MTDH: variants seen among roughly 807,000 people sequenced by gnomAD.
MTDH encodes protein LYRIC.
Under a neutral mutation model 72.7 loss-of-function variants are expected in MTDH, and 34 were observed. The observed-to-expected ratio is 0.47, with a 90% CI of 0.36 to 0.62. The LOEUF is 0.62. Among genes scored for constraint, MTDH ranks in the 20% least tolerant of loss-of-function variants. The pLI, the probability that MTDH is intolerant of heterozygous loss-of-function variation, is 0.00. For synonymous variants in MTDH, 266 were observed against 268.9 expected (o/e 0.99, Z 0.10); for missense variants, 677 against 699.4 (o/e 0.97, Z 0.36).
chr8:97,686,962 AT>A (rs34735761), intron 3 of MTDH, among the ~76,000 whole-genome samples: 30,787 of 152,018 alleles, frequency 0.2, 4,809 homozygotes, highest in African/African-American at 0.41. Context: ...CTGCCCTGAA[AT>A]TTAAAGTCAA....
chr8:97,702,632 A>G (rs1586265914), intron 7 of MTDH, among the ~76,000 whole-genome samples: 2 of 152,364 alleles, frequency 1.3e-5, no homozygotes, highest in East Asian at 3.9e-4. Context: ...TTAAAAAGTT[A>G]TTAAAGTTTA....
chr8:97,656,981 C>CAA (rs113063188), intron 1 of MTDH, among the ~76,000 whole-genome samples: 5 of 130,796 alleles, frequency 3.8e-5, no homozygotes, highest in African/African-American at 5.5e-5. Context: ...GACTGTGTCT[C>CAA]AAAAAAAAAA....
At chr8:97,669,127 A>G (rs868028162) in intron 2 of MTDH, among the ~76,000 whole-genome samples, 16 of 152,294 alleles carry the variant, frequency 1.1e-4, no homozygotes, top group African/African-American at 3.6e-4. Context: ...AAATGTTTTC[A>G]CAGAGTTTTA....
At chr8:97,667,471 G>A (rs1438332889) in intron 2 of MTDH, among the ~76,000 whole-genome samples, 1 of 152,188 alleles carries the variant, frequency 6.6e-6, no homozygotes, top group Non-Finnish European at 1.5e-5. Context: ...ACTGATGATT[G>A]TCTTGAGGAA....
intron 10 of MTDH, among the ~76,000 whole-genome samples, chr8:97,719,492 C>CAAA (rs11383714): frequency 0.01 from 833 of 79,780 alleles, 18 homozygotes; most frequent in African/African-American, 0.03. Flanking sequence ...GACACTGTCT[C>CAAA]AAAAAAAAAA....
intron 11 of MTDH, among the ~76,000 whole-genome samples, chr8:97,723,606 G>T (rs7838518): frequency 1.3e-5 from 2 of 149,500 alleles, no homozygotes; most frequent in Admixed American, 6.7e-5. Context: ...AGCCGGGCGT[G>T]GTGGCAGGCA....
At position 97,661,106 on chromosome 8, in the gene MTDH, A is replaced by C; in HGVS notation, c.416A>C (p.Glu139Ala). The C allele has an allele frequency of 1.2e-6, 2 of 1,613,432 alleles. No individual in the cohort carries two copies. The highest frequency in any genetic ancestry group is 1.7e-6 in the Non-Finnish European group (2 of 1,179,634). The change falls in exon 2 of 12, where the codon GAA becomes GCA. Residue 139 changes from glutamate to alanine, a missense_variant. Around this residue, in one of 3 missense-constraint regions of MTDH, gnomAD observed 467 missense variants for 469.1 expected, o/e 1.00. Transcript: ENST00000336273. ...CGGACTGTTGAAGTGGCTGAGGGTG[A>C]AGCTGTTCGAACACCTCAAAGTGTA... Reference protein sequence around the residue: ...NGRTVEVAEGEAVRTPQSVTA... With the variant: ...NGRTVEVAEGAAVRTPQSVTA...
At chr8:97,695,520 G>T (rs988111356) in intron 6 of MTDH, among the ~76,000 whole-genome samples, 1 of 152,106 alleles carries the variant, frequency 6.6e-6, no homozygotes, top group African/African-American at 2.4e-5. Flanking sequence ...TAGAGTTCCT[G>T]CCTAGATAGA....
chr8:97,720,580 A>AAT (rs963154401), intron 10 of MTDH, among the ~76,000 whole-genome samples: 6 of 148,766 alleles, frequency 4.0e-5, no homozygotes, highest in Non-Finnish European at 5.9e-5. Flanking sequence ...TGTGAAGAAG[A>AAT]ATATATATAT....
At chr8:97,676,622 A>G (rs908825759) in intron 2 of MTDH, among the ~76,000 whole-genome samples, 3 of 152,116 alleles carry the variant, frequency 2.0e-5, no homozygotes, top group Non-Finnish European at 4.4e-5. Flanking sequence ...CAATCCCAGC[A>G]CTTTGGGAGG....
intron 2 of MTDH, among the ~76,000 whole-genome samples, chr8:97,661,564 A>G (rs904195314): frequency 6.6e-6 from 1 of 152,240 alleles, no homozygotes; most frequent in Non-Finnish European, 1.5e-5. Context: ...AAAATCGTTC[A>G]GTGATGTTTA....
At chr8:97,678,093 T>C (rs921878594) in intron 2 of MTDH, among the ~76,000 whole-genome samples, 2 of 152,252 alleles carry the variant, frequency 1.3e-5, no homozygotes, top group East Asian at 3.8e-4. Context: ...AATGTACAGA[T>C]GTTTCTAACA....
intron 2 of MTDH, among the ~76,000 whole-genome samples, chr8:97,667,679 T>G (rs1812445548): frequency 6.6e-6 from 1 of 152,054 alleles, no homozygotes; most frequent in South Asian, 2.1e-4. Flanking sequence ...ACATGACTTG[T>G]TGGCAAGTGA....
At chr8:97,694,824 G>A (rs556051172) in intron 6 of MTDH, among the ~76,000 whole-genome samples, 1 of 152,048 alleles carries the variant, frequency 6.6e-6, no homozygotes, top group East Asian at 2.0e-4. Flanking sequence ...TCGGGAGGCC[G>A]AGACGGGACA....
intron 6 of MTDH, 85 bp downstream of exon 6, chr8:97,691,273 A>G: frequency 2.1e-6 from 2 of 974,508 alleles, no homozygotes; most frequent in Non-Finnish European, 1.5e-6. Flanking sequence ...AAAAAAAACT[A>G]TGAATAGAAA....
chr8:97,682,387 C>T (rs1813173333), intron 2 of MTDH, among the ~76,000 whole-genome samples: 1 of 142,052 alleles, frequency 7.0e-6, no homozygotes, highest in African/African-American at 2.6e-5. Flanking sequence ...CAACCTCCGC[C>T]TCCCAGGTTC....
chr8:97,679,178 A>G (rs182745718), intron 2 of MTDH, among the ~76,000 whole-genome samples: 4 of 152,334 alleles, frequency 2.6e-5, no homozygotes, highest in Admixed American at 2.0e-4. Flanking sequence ...AATGGATAGA[A>G]TAGCATTTAC....
rs1280783068 is a variant in MTDH at position 97,728,712 on chromosome 8, AG to A, written c.*4044del. 6.7e-6 allele frequency: 1 copy of A among 149,838 alleles called. No homozygotes were observed. Among genetic ancestry groups the A allele is most frequent in the Non-Finnish European group, 1.5e-5 (1 of 67,652 alleles). The allele number at this position is 149,838 out of a possible 1,614,324, so 9.3% of individuals were successfully genotyped here. On this transcript the variant is annotated 3_prime_UTR_variant, in exon 12 of 12. Coordinates refer to ENST00000336273, the MANE Select transcript of MTDH (RefSeq NM_178812.4). ...CAACGCGGGAGGATTGTTTGAGCCC[AG>A]GAGTTTGAAACCATCCTGAGCAATA...
chr8:97,650,506 C>T (rs1811729176), intron 1 of MTDH, among the ~76,000 whole-genome samples: 1 of 151,890 alleles, frequency 6.6e-6, no homozygotes, highest in South Asian at 2.1e-4. Flanking sequence ...AACTGCTAAG[C>T]TCAAGTACTC....
Sources: allele counts gnomAD v4.1 joint callset (sites outside exome capture counted in the v4.1 genomes callset), GRCh38; gene constraint gnomAD v4.1.1; regional missense constraint gnomAD v4.1.1; transcripts MANE v1.5; gene names NCBI Gene and HGNC (gene_info 2026-07-23, HGNC 2026-07-21).